MAPK6: variants seen among roughly 807,000 people sequenced by gnomAD.
MAPK6 encodes mitogen-activated protein kinase 6.
A neutral mutation model predicts 59.3 loss-of-function variants in MAPK6; 19 were observed. That is an observed-to-expected ratio of 0.32 (90% CI 0.22 to 0.47). The LOEUF is 0.47. MAPK6 is among the 20% of genes least tolerant of loss of function. MAPK6 has a pLI of 1.00. For synonymous variants in MAPK6, 316 were observed against 290.3 expected (o/e 1.09, Z -0.90); for missense variants, 724 against 847.9 (o/e 0.85, Z 1.81).
chr15:52,026,363 C>T (rs1256958456), intron 1 of MAPK6, among the ~76,000 whole-genome samples: 1 of 152,146 alleles, frequency 6.6e-6, no homozygotes, highest in Non-Finnish European at 1.5e-5. Flanking sequence ...GTGATCTTCG[C>T]TCACTGCAGC....
At chr15:52,055,516 T>TTTGG (rs1693935477) in intron 3 of MAPK6, among the ~76,000 whole-genome samples, 1 of 148,048 alleles carries the variant, frequency 6.8e-6, no homozygotes, top group South Asian at 2.1e-4. Flanking sequence ...AAAGGGTTTT[T>TTTGG]TTGTTTGTTT....
intron 3 of MAPK6, among the ~76,000 whole-genome samples, chr15:52,007,083 G>A (rs542142339): frequency 3.9e-5 from 6 of 152,238 alleles, no homozygotes; most frequent in Admixed American, 1.3e-4. Flanking sequence ...ATGGGAAAAT[G>A]TGCCCCAGAA....
At chr15:52,023,670 C>T (rs117462453) in intron 1 of MAPK6, among the ~76,000 whole-genome samples, 9 of 152,216 alleles carry the variant, frequency 5.9e-5, no homozygotes, top group South Asian at 4.1e-4. Context: ...GGAGCGCAGT[C>T]GCGCCATCTC....
chr15:51,982,754 T>C (rs980645893), intron 1 of MAPK6, among the ~76,000 whole-genome samples: 2 of 152,222 alleles, frequency 1.3e-5, no homozygotes, highest in Non-Finnish European at 2.9e-5. Flanking sequence ...GGCACTCTGA[T>C]TTGTATGCAT....
intron 1 of MAPK6, among the ~76,000 whole-genome samples, chr15:52,024,374 A>T (rs2030666310): frequency 6.6e-6 from 1 of 151,848 alleles, no homozygotes. Context: ...CTACTGAATT[A>T]GAATCTTAGA....
At chr15:52,039,968 G>T (rs538874371) in intron 1 of MAPK6, among the ~76,000 whole-genome samples, 1 of 152,164 alleles carries the variant, frequency 6.6e-6, no homozygotes, top group Non-Finnish European at 1.5e-5. Context: ...AGGTTCCTAA[G>T]ATTATTTGTT....
At chr15:52,023,663 G>T in intron 1 of MAPK6, among the ~76,000 whole-genome samples, 1 of 152,220 alleles carries the variant, frequency 6.6e-6, no homozygotes, top group South Asian at 2.1e-4. Context: ...CCAGGCTGGA[G>T]CGCAGTCGCG....
chr15:51,984,407 G>C (rs1374316829), intron 2 of MAPK6, among the ~76,000 whole-genome samples: 3 of 149,278 alleles, frequency 2.0e-5, no homozygotes, highest in Non-Finnish European at 4.4e-5. Flanking sequence ...TCAGCCGCCC[G>C]AGTAGCTGGG....
At position 52,064,474 on chromosome 15, in the gene MAPK6, T is replaced by C; in HGVS notation, c.1640T>C (p.Val547Ala). 1 of 1,608,400 alleles carries C rather than the reference T, an allele frequency of 6.2e-7. No individual in the cohort carries two copies. The highest frequency in any genetic ancestry group is 8.5e-7 in the Non-Finnish European group (1 of 1,178,054). ...TCCCAGCATGAGCCTACTGATGTTG[T>C]TGATAAATTAAATGACTTGAATAGC... Reference protein sequence around the residue: ...LSSQHEPTDVVDKLNDLNSSV... With the variant: ...LSSQHEPTDVADKLNDLNSSV... Residue 547 changes from valine to alanine, a missense_variant, in exon 6 of 6, where the codon GTT (valine) becomes GCT (alanine). Coordinates refer to ENST00000261845, the MANE Select transcript of MAPK6 (RefSeq NM_002748.4).
At chr15:52,057,420 T>C (rs1232713269) in intron 3 of MAPK6, among the ~76,000 whole-genome samples, 1 of 152,208 alleles carries the variant, frequency 6.6e-6, no homozygotes, top group Non-Finnish European at 1.5e-5. Context: ...AATTGTTGTT[T>C]CTTTGACATA....
intron 1 of MAPK6, chr15:52,035,660 G>A (rs1436519808): frequency 1.3e-5 from 2 of 151,822 alleles, no homozygotes; most frequent in Non-Finnish European, 2.9e-5. Flanking sequence ...AATCCATAGG[G>A]AAGAGTTGGC....
At chr15:52,050,706 G>A (rs1403063983) in intron 3 of MAPK6, among the ~76,000 whole-genome samples, 1 of 152,188 alleles carries the variant, frequency 6.6e-6, no homozygotes, top group Non-Finnish European at 1.5e-5. Context: ...GTGATTGCTG[G>A]AATGGAAGGC....
In MAPK6 at chr15:52,061,384, C is replaced by T. The variant is rs1443289967; in HGVS notation, c.951C>T (p.Ser317=). 6.2e-7 allele frequency: 1 copy of T among 1,613,778 alleles called. No individual in the cohort carries two copies. Among genetic ancestry groups the T allele is most frequent in the South Asian group, 1.1e-5 (1 of 91,084 alleles). ...AEEALSHPYM[S]IYSFPMDEPI... is the part of the protein sequence containing the mutation. ...AAGCACTCTCCCATCCTTACATGAG[C>T]ATATATTCTTTTCCAATGGATGAGC... The change falls in exon 5 of 6, where the codon AGC becomes AGT. Residue 317 remains serine, a synonymous_variant. Coordinates refer to ENST00000261845, the MANE Select transcript of MAPK6 (RefSeq NM_002748.4).
rs548669831 is a variant in MAPK6, at chr15:52,002,169, A to G, written c.-769-2096A>G. 4.1e-4 allele frequency among the ~76,000 whole-genome samples: 63 copies of G among 152,304 alleles called. 1 individual carries two copies. The South Asian group carries it at 0.013, about 31-fold the overall frequency. ...TTTGGTTTCTTTTCCTAGAGCTTCA[A>G]CAGAGGTGAGCAATAACCATATAAT... On this transcript the variant is annotated intron_variant, in intron 2 of 7. Coordinates refer to the MAPK6 transcript ENST00000691380.
At chr15:52,022,148 A>C (rs2030560008) in intron 1 of MAPK6, among the ~76,000 whole-genome samples, 1 of 152,068 alleles carries the variant, frequency 6.6e-6, no homozygotes, top group African/African-American at 2.4e-5. Context: ...ACATAACGAG[A>C]CCCTGTCTCA....
At chr15:52,036,520 C>T (rs1265229502) in intron 1 of MAPK6, among the ~76,000 whole-genome samples, 1 of 152,118 alleles carries the variant, frequency 6.6e-6, no homozygotes, top group African/African-American at 2.4e-5. Flanking sequence ...ATAATAGGCC[C>T]ACTCCCACAA....
intron 1 of MAPK6, among the ~76,000 whole-genome samples, chr15:52,027,240 C>T (rs748097560): frequency 6.7e-6 from 1 of 148,960 alleles, no homozygotes; most frequent in Non-Finnish European, 1.5e-5. Flanking sequence ...ATCCCAGCTA[C>T]TCGGGAGGCT....
chr15:52,047,196 C>T (rs1327442197), intron 2 of MAPK6, among the ~76,000 whole-genome samples, 181 bp downstream of exon 2: 1 of 152,046 alleles, frequency 6.6e-6, no homozygotes, highest in Admixed American at 6.5e-5. Context: ...TAATTAAATA[C>T]AAATTTCTAA....
At chr15:52,052,253 A>G (rs899003824) in intron 3 of MAPK6, among the ~76,000 whole-genome samples, 1 of 152,180 alleles carries the variant, frequency 6.6e-6, no homozygotes, top group Non-Finnish European at 1.5e-5. Context: ...GCTTACTTAC[A>G]TGACAGTTAC....
Sources: gnomAD v4.1 joint callset for allele counts (sites outside exome capture counted in the v4.1 genomes callset) on GRCh38, gnomAD v4.1.1 for gene constraint, MANE v1.5 for transcripts, NCBI Gene and HGNC (gene_info 2026-07-23, HGNC 2026-07-21) for gene names.